The following DLG2 variants were observed in gnomAD, a reference collection of about 807,000 sequenced individuals.
The protein encoded by DLG2 is discs large MAGUK scaffold protein 2.
Under a neutral mutation model 132.5 loss-of-function variants are expected in DLG2, and 45 were observed. That is an observed-to-expected ratio of 0.34 (90% confidence interval 0.27 to 0.44). The LOEUF is 0.44. Ranked by LOEUF, DLG2 falls within the 20% of genes least tolerant of loss-of-function variation. The pLI, the probability that DLG2 is intolerant of heterozygous loss-of-function variation, is 1.00. For synonymous variants in DLG2, 424 were observed against 419.6 expected (o/e 1.01, Z -0.13); for missense variants, 1,045 against 1,196.9 (o/e 0.87, Z 1.87).
chr11:85,401,959 C>A lies in DLG2; in HGVS notation c.41-116594G>T, dbSNP rs1004349259. Among the ~76,000 whole-genome samples, 70 of 144,308 alleles carry A rather than the reference C, an allele frequency of 4.9e-4. 1 individual carries two copies. The highest frequency in any genetic ancestry group is 3.9e-3 in the Admixed American group (54 of 13,994). 94.7% of individuals were successfully genotyped at this position (144,308 alleles called of 152,430 possible). A position where few individuals can be genotyped will look rare whatever the true frequency, so the allele number is the denominator to read the frequency against. ...CAATGCCATCCCCATCAAGCTACCACTGACTTTCTTCAGAGAATTAATAAA... is the reference window on the plus strand; with the variant it reads ...CAATGCCATCCCCATCAAGCTACCAATGACTTTCTTCAGAGAATTAATAAA... On this transcript the variant is annotated intron_variant, in intron 3 of 27. Transcript: ENST00000376104.
chr11:84,543,430 T>A (rs1171174616), intron 6 of DLG2, among the ~76,000 whole-genome samples: 6 of 152,176 alleles, frequency 3.9e-5, no homozygotes, highest in Non-Finnish European at 1.5e-5. Context: ...CAGGGCACCC[T>A]GTCCTTATTC....
intron 6 of DLG2, among the ~76,000 whole-genome samples, chr11:84,682,458 G>C (rs2099733729): frequency 6.6e-6 from 1 of 152,184 alleles, no homozygotes. Flanking sequence ...GGCTTTGTGT[G>C]GTAGCTGGCA....
intron 4 of DLG2, among the ~76,000 whole-genome samples, chr11:85,254,725 G>T (rs1433003729): frequency 6.6e-6 from 1 of 152,132 alleles, no homozygotes; most frequent in Non-Finnish European, 1.5e-5. Context: ...ATTAGGCTGG[G>T]CGTGGTGGCT....
intron 4 of DLG2, among the ~76,000 whole-genome samples, chr11:85,249,309 T>C (rs1387995306): frequency 6.6e-6 from 1 of 152,126 alleles, no homozygotes; most frequent in Non-Finnish European, 1.5e-5. Context: ...TTACCTACGA[T>C]AGCAGATGCA....
chr11:85,377,006 C>A (rs2085459395), intron 3 of DLG2, among the ~76,000 whole-genome samples: 1 of 152,120 alleles, frequency 6.6e-6, no homozygotes, highest in African/African-American at 2.4e-5. Flanking sequence ...TCAAACAACT[C>A]CATGAAATAG....
At chr11:84,642,355 C>A (rs1374823916) in intron 6 of DLG2, among the ~76,000 whole-genome samples, 4 of 151,752 alleles carry the variant, frequency 2.6e-5, no homozygotes, top group Non-Finnish European at 4.4e-5. Context: ...CTTTTCCTAC[C>A]TAAATTGCAT....
At chr11:84,834,212 A>C (rs1032639730) in intron 6 of DLG2, among the ~76,000 whole-genome samples, 6 of 151,624 alleles carry the variant, frequency 4.0e-5, no homozygotes, top group African/African-American at 1.5e-4. Flanking sequence ...TCCCTTAGTT[A>C]TTTACAAACT....
chr11:85,175,213 C>A (rs2079146181), intron 4 of DLG2, among the ~76,000 whole-genome samples: 1 of 152,048 alleles, frequency 6.6e-6, no homozygotes, highest in Admixed American at 6.5e-5. Context: ...TGCAAAAATC[C>A]TCAATAAAAT....
intron 17 of DLG2, among the ~76,000 whole-genome samples, chr11:83,804,597 C>T (rs2045426833): frequency 6.6e-6 from 1 of 151,732 alleles, no homozygotes; most frequent in Non-Finnish European, 1.5e-5. Flanking sequence ...CACACACACA[C>T]ACACACACAC....
At chr11:83,933,962 G>C (rs1242430981) in intron 14 of DLG2, among the ~76,000 whole-genome samples, 1 of 152,244 alleles carries the variant, frequency 6.6e-6, no homozygotes, top group Non-Finnish European at 1.5e-5. Flanking sequence ...CTGTAGCTGT[G>C]TCCACTAATT....
intron 11 of DLG2, among the ~76,000 whole-genome samples, chr11:84,027,458 C>T (rs941518822): frequency 1.7e-4 from 26 of 151,646 alleles, no homozygotes; most frequent in Non-Finnish European, 3.7e-4. Context: ...AAACATGAAG[C>T]CTCTTGAAGA....
At chr11:85,154,532 A>C in intron 5 of DLG2, 24 bp downstream of exon 5, 1 of 1,182,560 alleles carries the variant, frequency 8.5e-7, no homozygotes, top group East Asian at 2.6e-5. Flanking sequence ...GCCTAGTAAG[A>C]AAAGAAAACA....
chr11:84,962,659 C>A (rs1233221328), intron 6 of DLG2, among the ~76,000 whole-genome samples: 1 of 152,142 alleles, frequency 6.6e-6, no homozygotes, highest in Non-Finnish European at 1.5e-5. Flanking sequence ...ACAGGATGTG[C>A]TCACTAAATA....
intron 3 of DLG2, among the ~76,000 whole-genome samples, chr11:85,527,265 G>T (rs1288095625): frequency 2.0e-5 from 3 of 151,470 alleles, no homozygotes; most frequent in Non-Finnish European, 4.4e-5. Flanking sequence ...TGCTATAGTG[G>T]TTTGCTGCAC....
At chr11:84,178,252 G>C (rs1478538175) in intron 8 of DLG2, among the ~76,000 whole-genome samples, 2 of 152,102 alleles carry the variant, frequency 1.3e-5, no homozygotes, top group Non-Finnish European at 2.9e-5. Flanking sequence ...GCAAACTTCA[G>C]GGAAAGCAAA....
intron 3 of DLG2, among the ~76,000 whole-genome samples, chr11:85,542,929 A>C (rs897007884): frequency 2.6e-5 from 4 of 152,222 alleles, no homozygotes; most frequent in African/African-American, 4.8e-5. Flanking sequence ...AAGGATATAC[A>C]TCAAAATGTT....
chr11:85,049,965 C>T (rs2062737100), intron 6 of DLG2, among the ~76,000 whole-genome samples: 2 of 152,116 alleles, frequency 1.3e-5, no homozygotes, highest in African/African-American at 2.4e-5. Flanking sequence ...TGAACCTATA[C>T]ATCTATGATG....
Position 85,051,589 on chromosome 11 carries a change from T to C in DLG2, c.357+60072A>G, listed in dbSNP as rs533802717. 3.9e-5 allele frequency among the ~76,000 whole-genome samples: 6 copies of C among 152,264 alleles called. No homozygotes were observed. The East Asian group carries it at 1.2e-3, about 29-fold the overall frequency. Reference sequence around the variant, plus strand: ...AGAAAACAGATATTGAAAAAAATATTACATATGTGATGAATATTAGAAGGA... The same window carrying C: ...AGAAAACAGATATTGAAAAAAATATCACATATGTGATGAATATTAGAAGGA... On this transcript the variant is annotated intron_variant, in intron 6 of 27. Transcript: ENST00000376104.
chr11:84,355,729 A>G (rs1276798425), intron 7 of DLG2, among the ~76,000 whole-genome samples: 1 of 152,068 alleles, frequency 6.6e-6, no homozygotes, highest in Non-Finnish European at 1.5e-5. Context: ...ATCACAAAGG[A>G]CCTTCCTCTC....
Sources: gnomAD v4.1 joint callset for allele counts (sites outside exome capture counted in the v4.1 genomes callset) on GRCh38, gnomAD v4.1.1 for gene constraint, MANE v1.5 for transcripts, NCBI Gene and HGNC (gene_info 2026-07-23, HGNC 2026-07-21) for gene names.